The following NAA25 variants were observed in gnomAD, a reference collection of about 807,000 sequenced individuals.
NAA25 encodes N-alpha-acetyltransferase 25, NatB auxiliary subunit.
In NAA25, 30 loss-of-function variants were observed where a neutral mutation model predicts 132.5. The ratio of observed to expected loss-of-function variants is 0.23; its 90% CI spans 0.17 to 0.31. The LOEUF (loss-of-function observed/expected upper bound fraction) is 0.31. Among genes scored for constraint, NAA25 ranks in the 10% least tolerant of loss-of-function variants. The probability of loss-of-function intolerance (pLI) is 1.00; values close to 1 mark genes in which losing one functional copy is unlikely to be tolerated. For missense variants in NAA25, 771 were observed against 1,150.4 expected (o/e 0.67, Z 4.77); for synonymous variants, 359 against 401.9 (o/e 0.89, Z 1.28).
chr12:112,047,148 T>C (rs1465992678), intron 17 of NAA25, among the ~76,000 whole-genome samples: 2 of 152,098 alleles, frequency 1.3e-5, no homozygotes, highest in Non-Finnish European at 2.9e-5. Flanking sequence ...CTATATTTTC[T>C]GATCCCTACA....
At chr12:112,094,225 AG>A in intron 1 of NAA25, among the ~76,000 whole-genome samples, 1 of 135,464 alleles carries the variant, frequency 7.4e-6, no homozygotes, top group Non-Finnish European at 1.5e-5. Flanking sequence ...TAGGCGACAG[AG>A]GGAGACTCTG....
chr12:112,088,037 T>C (rs947731835), intron 3 of NAA25, among the ~76,000 whole-genome samples: 2 of 152,128 alleles, frequency 1.3e-5, no homozygotes, highest in South Asian at 4.1e-4. Context: ...CTGGCCTCTG[T>C]CTCCTCTTTC....
intron 21 of NAA25, chr12:112,039,601 T>A (rs555869579): frequency 3.9e-6 from 1 of 255,634 alleles, no homozygotes; most frequent in African/African-American, 2.2e-5. Context: ...TCCACTTCAC[T>A]CCAATTTTCT....
chr12:112,026,919 C>T lies in NAA25; in HGVS notation c.*2612G>A, dbSNP rs2078094233. 1 of 152,460 alleles carries T rather than the reference C, an allele frequency of 6.6e-6. No individual in the cohort carries two copies. The highest frequency in any genetic ancestry group is 1.5e-5 in the Non-Finnish European group (1 of 68,006). 9.4% of individuals were successfully genotyped at this position (152,460 alleles called of 1,614,324 possible). A position where few individuals can be genotyped will look rare whatever the true frequency, so the allele number is the denominator to read the frequency against. ...AACATAGTGATTGCAAAATATAATG[C>T]AATTTTCAACAATTAAAATTATGAA... On this transcript the variant is annotated 3_prime_UTR_variant, in exon 24 of 24. Coordinates refer to ENST00000261745, the MANE Select transcript of NAA25 (RefSeq NM_024953.4).
At chr12:112,086,051 A>AATATATATATATATATAT (rs1555238696) in intron 4 of NAA25, among the ~76,000 whole-genome samples, 7 of 37,378 alleles carry the variant, frequency 1.9e-4, no homozygotes, top group East Asian at 1.3e-3. Flanking sequence ...AAAAAAAAAA[A>AATATATATATATATATAT]ATATATATAT....
At chr12:112,105,790 C>G (rs567308304) in intron 1 of NAA25, among the ~76,000 whole-genome samples, 1 of 152,188 alleles carries the variant, frequency 6.6e-6, no homozygotes, top group South Asian at 2.1e-4. Context: ...TGTTCAAATC[C>G]CAGCTCTACA....
At chr12:112,067,200 G>A (rs547714796) in intron 11 of NAA25, among the ~76,000 whole-genome samples, 3 of 151,272 alleles carry the variant, frequency 2.0e-5, no homozygotes, top group African/African-American at 4.9e-5. Flanking sequence ...GCAAGACTCC[G>A]TCTCAAAAAA....
chr12:112,037,275 CATATATATATATATAT>C (rs57810657), intron 22 of NAA25, among the ~76,000 whole-genome samples: 1,107 of 65,182 alleles, frequency 0.017, 24 homozygotes, highest in African/African-American at 0.032. Flanking sequence ...TTAAAAAATA[CATATATATATATATAT>C]ATATATATAT....
chr12:112,034,774 A>G (rs1284583697), intron 22 of NAA25: 15 of 150,544 alleles, frequency 1.0e-4, no homozygotes, highest in Admixed American at 8.1e-4. Context: ...ATCCGCCGCC[A>G]CTGCACTCCA....
intron 4 of NAA25, among the ~76,000 whole-genome samples, chr12:112,083,035 C>G: frequency 6.6e-6 from 1 of 152,100 alleles, no homozygotes; most frequent in African/African-American, 2.4e-5. Flanking sequence ...GGAGCCTATA[C>G]AGAATAGAGA....
At chr12:112,067,821 C>T (rs1422775985) in intron 11 of NAA25, among the ~76,000 whole-genome samples, 1 of 152,182 alleles carries the variant, frequency 6.6e-6, no homozygotes, top group African/African-American at 2.4e-5. Flanking sequence ...CTGCAACCTC[C>T]GCCTTCTGGG....
chr12:112,107,208 T>G (rs918843038), intron 1 of NAA25, among the ~76,000 whole-genome samples: 6 of 151,946 alleles, frequency 3.9e-5, no homozygotes, highest in Non-Finnish European at 5.9e-5. Flanking sequence ...TGCAGTGAAC[T>G]GAGATTGTGC....
intron 20 of NAA25, among the ~76,000 whole-genome samples, chr12:112,041,131 CACA>C (rs1326046319): frequency 6.6e-6 from 1 of 150,490 alleles, no homozygotes. Flanking sequence ...TCCTGAGCAA[CACA>C]ACAAGACCTC....
rs112312296 is a variant in NAA25, at chr12:112,101,868, CT to C, written c.58+6847del. ...TTAAATTTTTTCCAAATCTTTTCAA[CT>C]TTTTTTTTTTTTTTTGAGACAGAGT... On this transcript the variant is annotated intron_variant, in intron 1 of 23. Transcript: ENST00000261745. 4.7e-3 allele frequency among the ~76,000 whole-genome samples: 661 copies of C among 142,108 alleles called. 3 individuals are homozygous for C. The highest frequency in any genetic ancestry group is 9.1e-3 in the South Asian group (41 of 4,488). 93.2% of individuals were successfully genotyped at this position (142,108 alleles called of 152,430 possible).
At chr12:112,030,940 T>A (rs1233058067) in intron 23 of NAA25, among the ~76,000 whole-genome samples, 3 of 143,870 alleles carry the variant, frequency 2.1e-5, no homozygotes, top group East Asian at 2.4e-4. Flanking sequence ...AAACTGAATT[T>A]AAAATTTTTT....
intron 1 of NAA25, among the ~76,000 whole-genome samples, chr12:112,105,529 G>C (rs1324118693): frequency 6.6e-6 from 1 of 152,162 alleles, no homozygotes; most frequent in Admixed American, 6.6e-5. Context: ...TCAAATCTAT[G>C]CACACAGAAA....
chr12:112,029,367 AG>A lies in NAA25; in HGVS notation c.*163del. 9.5e-7 allele frequency: 1 copy of A among 1,057,082 alleles called. No homozygotes were observed. The highest frequency in any genetic ancestry group is 1.3e-6 in the Non-Finnish European group (1 of 748,486). The allele number at this position is 1,057,082 out of a possible 1,614,324, so 65.5% of individuals were successfully genotyped here. ...CTGGTTTATATACAATAATTTAATC[AG>A]TTGTATATATTTAACACCTAAAAAA... is the stretch of plus-strand genomic sequence containing the variant. On this transcript the variant is annotated 3_prime_UTR_variant, in exon 24 of 24. Coordinates refer to ENST00000261745, the MANE Select transcript of NAA25 (RefSeq NM_024953.4).
At chr12:112,046,812 C>T (rs1183022181) in intron 17 of NAA25, among the ~76,000 whole-genome samples, 2 of 152,078 alleles carry the variant, frequency 1.3e-5, no homozygotes, top group Admixed American at 1.3e-4. Context: ...TTCTTATTGA[C>T]TTATTAAGAG....
chr12:112,102,933 C>T (rs1341761985), intron 1 of NAA25, among the ~76,000 whole-genome samples: 6 of 152,240 alleles, frequency 3.9e-5, no homozygotes, highest in Non-Finnish European at 2.9e-5. Context: ...CATGATCCGC[C>T]GGCCTCGGCT....
Sources: gnomAD v4.1 joint callset for allele counts (sites outside exome capture counted in the v4.1 genomes callset) on GRCh38, gnomAD v4.1.1 for gene constraint, MANE v1.5 for transcripts, NCBI Gene and HGNC (gene_info 2026-07-23, HGNC 2026-07-21) for gene names.